The following BSPH1 variants were observed in gnomAD, a reference collection of about 807,000 sequenced individuals.
BSPH1 encodes binder of sperm 1.
In BSPH1, 21 loss-of-function variants were observed where a neutral mutation model predicts 22.5. The ratio of observed to expected loss-of-function variants is 0.93; its 90% CI spans 0.66 to 1.35. The LOEUF is 1.35. BSPH1 is among the 40% of genes most tolerant of loss of function. The pLI is 0.00. For missense variants in BSPH1, 141 were observed against 154.2 expected (o/e 0.91, Z 0.45); for synonymous variants, 42 against 53.6 (o/e 0.78, Z 0.95).
intron 1 of BSPH1, among the ~76,000 whole-genome samples, chr19:47,991,494 TCTC>T (rs758807960): frequency 6.3e-5 from 8 of 126,840 alleles, no homozygotes; most frequent in Non-Finnish European, 9.9e-5. Flanking sequence ...TTCTCTTCCT[TCTC>T]CTCCTCCTCC....
At chr19:47,973,538 A>T (rs1008950396) in intron 5 of BSPH1, among the ~76,000 whole-genome samples, 6 of 152,164 alleles carry the variant, frequency 3.9e-5, no homozygotes, top group Non-Finnish European at 7.4e-5. Context: ...TTTATTCTGC[A>T]AATATTTTGA....
intron 5 of BSPH1, among the ~76,000 whole-genome samples, chr19:47,974,566 G>A (rs1360692157): frequency 6.6e-6 from 1 of 151,794 alleles, no homozygotes; most frequent in East Asian, 1.9e-4. Flanking sequence ...CACTGTGCCC[G>A]GCCTCTCTCT....
chr19:47,981,730 T>G, intron 1 of BSPH1: 1 of 975,586 alleles, frequency 1.0e-6, no homozygotes, highest in Non-Finnish European at 1.2e-6. Flanking sequence ...AGTTTGAATA[T>G]CCTAATATTC....
intron 3 of BSPH1, among the ~76,000 whole-genome samples, chr19:47,978,035 T>C (rs1033485760): frequency 6.9e-6 from 1 of 144,374 alleles, no homozygotes; most frequent in Non-Finnish European, 1.5e-5. Flanking sequence ...TATATAGTTA[T>C]AGGTGCATAC....
intron 1 of BSPH1, among the ~76,000 whole-genome samples, chr19:47,989,846 C>A (rs1489059025): frequency 1.3e-5 from 2 of 152,046 alleles, no homozygotes; most frequent in East Asian, 3.8e-4. Context: ...AGGCTGTGTG[C>A]GGTGGCTCCT....
intron 5 of BSPH1, among the ~76,000 whole-genome samples, chr19:47,970,641 C>T (rs769593249): frequency 2.6e-5 from 4 of 152,134 alleles, no homozygotes; most frequent in African/African-American, 4.8e-5. Flanking sequence ...TAGTGATGAA[C>T]AGGTGGGCTG....
intron 4 of BSPH1, among the ~76,000 whole-genome samples, chr19:47,977,151 T>A (rs1302811668): frequency 6.6e-6 from 1 of 152,252 alleles, no homozygotes; most frequent in Non-Finnish European, 1.5e-5. Context: ...ATCACTTTGC[T>A]GTTCTATTAA....
chr19:47,986,092 A>G (rs1335512859), intron 1 of BSPH1, among the ~76,000 whole-genome samples: 1 of 152,176 alleles, frequency 6.6e-6, no homozygotes, highest in Non-Finnish European at 1.5e-5. Context: ...AGACTAGGGA[A>G]AAAAAGCTGC....
intron 3 of BSPH1, among the ~76,000 whole-genome samples, chr19:47,978,552 T>C (rs906487214): frequency 6.6e-6 from 1 of 152,238 alleles, no homozygotes; most frequent in African/African-American, 2.4e-5. Context: ...AGCATTTGTT[T>C]CTATAGAATC....
chr19:47,984,284 T>C (rs1600091043), intron 1 of BSPH1, among the ~76,000 whole-genome samples: 1 of 150,200 alleles, frequency 6.7e-6, no homozygotes, highest in Admixed American at 6.7e-5. Flanking sequence ...ATTAATATAG[T>C]CCTAGAATTA....
At chr19:47,979,762 A>G (rs1390768866) in intron 2 of BSPH1, among the ~76,000 whole-genome samples, 163 bp from the exon 3 acceptor site, 4 of 152,116 alleles carry the variant, frequency 2.6e-5, no homozygotes, top group Non-Finnish European at 5.9e-5. Context: ...CTCTTTTTCA[A>G]AATGTATTTT....
chr19:47,988,783 C>G (rs1969495248), intron 1 of BSPH1, among the ~76,000 whole-genome samples: 1 of 152,092 alleles, frequency 6.6e-6, no homozygotes, highest in Admixed American at 6.5e-5. Context: ...CCGCAAGGGA[C>G]CCCACTCCCA....
At chr19:47,991,972 C>G in intron 1 of BSPH1, 37 bp downstream of exon 1, 1 of 1,376,632 alleles carries the variant, frequency 7.3e-7, no homozygotes, top group Non-Finnish European at 1.0e-6. Flanking sequence ...GTTAAGCTAT[C>G]TACCTTGCAT....
Position 47,977,434 on chromosome 19 carries a change from T to C in BSPH1, c.195A>G (p.Arg65=). 1 of 1,552,132 alleles carries C rather than the reference T, an allele frequency of 6.4e-7. No homozygotes were observed. Among genetic ancestry groups the C allele is most frequent in the South Asian group, 1.2e-5 (1 of 84,056 alleles). The part of the protein sequence containing the change: ...TYYDCIKSKA[R]HKWCSLNKTY... The stretch of plus-strand genomic sequence containing the variant: ...TCTTGTTTAACGAGCACCACTTGTG[T>C]CTTGCCTTGGACTTGATGCAGTCAT... The change falls in exon 4 of 6, where the codon AGA becomes AGG. Residue 65 remains arginine (R), a synonymous_variant. Coordinates refer to ENST00000344839, the MANE Select transcript of BSPH1 (RefSeq NM_001128326.2).
chr19:47,987,522 A>G (rs913160393), intron 1 of BSPH1, among the ~76,000 whole-genome samples: 4 of 151,986 alleles, frequency 2.6e-5, no homozygotes, highest in African/African-American at 9.7e-5. Flanking sequence ...AGTAGCTGGA[A>G]CTACAGGCAC....
chr19:47,977,180 A>G (rs1184713026), intron 4 of BSPH1, among the ~76,000 whole-genome samples, 193 bp downstream of exon 4: 1 of 152,246 alleles, frequency 6.6e-6, no homozygotes, highest in Non-Finnish European at 1.5e-5. Flanking sequence ...TTTTCAAAAT[A>G]ATGTGGTTGA....
chr19:47,981,834 T>C, intron 1 of BSPH1: 1 of 612,510 alleles, frequency 1.6e-6, no homozygotes, highest in Non-Finnish European at 2.0e-6. Flanking sequence ...ATTCAACCTG[T>C]AATATTTACC....
In BSPH1 at chr19:47,979,918, T is replaced by G. The variant is rs1455395630; in HGVS notation, c.95-319A>C. Among the ~76,000 whole-genome samples the G allele has an allele frequency of 2.0e-5, 3 of 152,130 alleles. No individual in the cohort carries two copies. In the East Asian group the frequency reaches 5.8e-4, roughly 29 times the overall value. Reference sequence around the variant, plus strand: ...TCAATGTCCAGTTGGTTCTTATCAGTATAGAGAAAAACTATTGACTGTTGT... The same window carrying G: ...TCAATGTCCAGTTGGTTCTTATCAGGATAGAGAAAAACTATTGACTGTTGT... On this transcript the variant is annotated intron_variant, in intron 2 of 5. Transcript: ENST00000344839.
At chr19:47,977,054 C>T (rs1042526742) in intron 4 of BSPH1, among the ~76,000 whole-genome samples, 200 bp from the exon 5 acceptor site, 1 of 152,230 alleles carries the variant, frequency 6.6e-6, no homozygotes, top group African/African-American at 2.4e-5. Flanking sequence ...CAAATACACA[C>T]TTTTGCTTCC....
Sources: gnomAD v4.1 joint callset for allele counts (sites outside exome capture counted in the v4.1 genomes callset) on GRCh38, gnomAD v4.1.1 for gene constraint, MANE v1.5 for transcripts, NCBI Gene and HGNC (gene_info 2026-07-23, HGNC 2026-07-21) for gene names.